SLK: variants seen among roughly 807,000 people sequenced by gnomAD.
SLK encodes the protein STE20-like serine/threonine-protein kinase.
SLK carries 67 observed loss-of-function variants against 147.7 expected under a neutral mutation model. That is an observed-to-expected ratio of 0.45 (90% CI 0.37 to 0.56). The LOEUF is 0.56. Ranked by LOEUF, SLK falls within the 20% of genes least tolerant of loss-of-function variation. SLK has a pLI of 0.00. For missense variants in SLK, 1,136 were observed against 1,438.8 expected (o/e 0.79, Z 3.41); for synonymous variants, 441 against 475.0 (o/e 0.93, Z 0.93).
At position 103,993,045 on chromosome 10, in the gene SLK, A is replaced by C. The variant is rs1844121850; in HGVS notation, c.426A>C (p.Ala142=). Residue 142 remains alanine (A), a synonymous_variant, in exon 4 of 19, where the codon GCA becomes GCC. Coordinates refer to ENST00000369755, the MANE Select transcript of SLK (RefSeq NM_014720.4). ...TAGTTTGCAAGCAGACTTTAGATGC[A>C]TTGAACTACTTACATGATAATAAGA... ...IQVVCKQTLD[A]LNYLHDNKII... is the part of the protein sequence containing the mutation. 1.9e-6 allele frequency: 3 copies of C among 1,610,132 alleles called. No individual in the cohort carries two copies. Among genetic ancestry groups the C allele is most frequent in the African/African-American group, 2.7e-5 (2 of 74,816 alleles).
intron 1 of SLK, among the ~76,000 whole-genome samples, chr10:103,989,956 A>G (rs1020848775): frequency 1.3e-5 from 2 of 152,242 alleles, no homozygotes; most frequent in African/African-American, 2.4e-5. Flanking sequence ...AAGTAAGTCA[A>G]TGGATAAACT....
chr10:104,021,498 A>G, intron 17 of SLK, 122 bp from the exon 18 acceptor site: 1 of 582,536 alleles, frequency 1.7e-6, no homozygotes, highest in East Asian at 3.1e-5. Flanking sequence ...TATAGAGGAA[A>G]ACTTGAATCT....
intron 1 of SLK, among the ~76,000 whole-genome samples, chr10:103,975,052 C>G (rs368185727): frequency 6.6e-6 from 1 of 151,740 alleles, no homozygotes; most frequent in African/African-American, 2.4e-5. Flanking sequence ...CTGGTTCTTC[C>G]TCTTTCTGAC....
chr10:104,011,382 C>A (rs1844398115), intron 13 of SLK, among the ~76,000 whole-genome samples: 2 of 152,108 alleles, frequency 1.3e-5, no homozygotes, highest in African/African-American at 4.8e-5. Context: ...ACATGTATTG[C>A]TTTTAAGCTT....
chr10:104,002,607 A>G lies in SLK; in HGVS notation c.1429A>G (p.Lys477Glu), dbSNP rs781128406. ...LKSEEEKDQE[K>E]QQMFENKLIK... ...ATCTGAGGAAGAAAAGGATCAGGAA[A>G]AGCAACAGATGTTTGAAAATAAGCT... is the stretch of plus-strand genomic sequence containing the variant. Residue 477 changes from lysine to glutamate, a missense_variant, in exon 9 of 19, where the codon AAG (lysine) becomes GAG (glutamate). By Grantham distance (56) the Lys-to-Glu change is moderately conservative. This residue lies in a region of SLK where 516 missense variants were observed against 531.3 expected (regional missense o/e 0.97). Coordinates refer to ENST00000369755, the MANE Select transcript of SLK (RefSeq NM_014720.4). The G allele has an allele frequency of 6.2e-6, 10 of 1,606,794 alleles. No individual in the cohort carries two copies. Among genetic ancestry groups the G allele is most frequent in the Non-Finnish European group, 8.5e-6 (10 of 1,176,038 alleles).
chr10:103,980,824 G>GT (rs1843931250), intron 1 of SLK, among the ~76,000 whole-genome samples: 1 of 152,066 alleles, frequency 6.6e-6, no homozygotes, highest in South Asian at 2.1e-4. Context: ...CCTGCTTTCA[G>GT]TTTTTTAGGG....
chr10:104,010,772 A>G, intron 12 of SLK, 44 bp from the exon 13 acceptor site: 1 of 1,237,002 alleles, frequency 8.1e-7, no homozygotes, highest in Non-Finnish European at 1.1e-6. Context: ...CTTGCTGTGG[A>G]GAAAGTATCA....
chr10:103,978,724 T>G (rs893195129), intron 1 of SLK, among the ~76,000 whole-genome samples: 2 of 152,180 alleles, frequency 1.3e-5, no homozygotes, highest in African/African-American at 4.8e-5. Context: ...AATGTACATA[T>G]GGAGTATAAA....
In SLK at chr10:104,025,827, A is replaced by G; in HGVS notation, c.*107A>G. 1.0e-6 allele frequency: 1 copy of G among 954,666 alleles called. No individual in the cohort carries two copies. Among genetic ancestry groups the G allele is most frequent in the East Asian group, 2.6e-5 (1 of 39,018 alleles). The allele number at this position is 954,666 out of a possible 1,614,324, so 59.1% of individuals were successfully genotyped here. A position where few individuals can be genotyped will look rare whatever the true frequency, so the allele number is the denominator to read the frequency against. ...GCTCATGAAGACAATCACCTGCCTC[A>G]CCTTCTAGGTGTTTTCCTTTTTTGT... On this transcript the variant is annotated 3_prime_UTR_variant, in exon 19 of 19. Coordinates refer to ENST00000369755, the MANE Select transcript of SLK (RefSeq NM_014720.4).
rs539442944 is a variant in SLK at position 103,993,624 on chromosome 10, G to A, written c.514+491G>A. ...TTAGTTCTGAAGAGAATACCTAAACGTAAGGACTAGAATTTTTAATTTTAC... is the reference window on the plus strand; with the variant it reads ...TTAGTTCTGAAGAGAATACCTAAACATAAGGACTAGAATTTTTAATTTTAC... On this transcript the variant is annotated intron_variant, in intron 4 of 18. Coordinates refer to ENST00000369755, the MANE Select transcript of SLK (RefSeq NM_014720.4). 4.0e-4 allele frequency among the ~76,000 whole-genome samples: 61 copies of A among 152,188 alleles called. No individual in the cohort carries two copies. The South Asian group carries it at 7.5e-3, about 19-fold the overall frequency.
intron 18 of SLK, 90 bp downstream of exon 18, chr10:104,021,823 G>A: frequency 1.4e-6 from 1 of 700,730 alleles, no homozygotes; most frequent in South Asian, 1.7e-5. Context: ...CAGGTACAGT[G>A]TCAGGGGCAG....
intron 1 of SLK, among the ~76,000 whole-genome samples, chr10:103,981,567 A>G (rs759448415): frequency 6.6e-6 from 1 of 151,960 alleles, no homozygotes; most frequent in Admixed American, 6.5e-5. Flanking sequence ...TCACATGTGG[A>G]TATTCAGATT....
rs766437984 is a variant in SLK, at chr10:104,002,624, AAAT to A, written c.1449_1451del (p.Asn483del). 1 of 1,608,036 alleles carries A rather than the reference AAAT, an allele frequency of 6.2e-7. No homozygotes were observed. The highest frequency in any genetic ancestry group is 8.5e-7 in the Non-Finnish European group (1 of 1,176,928). ...ATCAGGAAAAGCAACAGATGTTTGA[AAAT>A]AAGCTTATAAAATCTGAAGAAATTA... On this transcript the variant is annotated inframe_deletion, in exon 9 of 19. Transcript: ENST00000369755.
At chr10:103,976,674 T>C (rs1164464219) in intron 1 of SLK, among the ~76,000 whole-genome samples, 1 of 152,200 alleles carries the variant, frequency 6.6e-6, no homozygotes, top group Non-Finnish European at 1.5e-5. Flanking sequence ...CTGTATAGTT[T>C]TGCAGCCATT....
intron 1 of SLK, among the ~76,000 whole-genome samples, chr10:103,979,134 G>C (rs1428277597): frequency 6.6e-6 from 1 of 152,168 alleles, no homozygotes. Flanking sequence ...TCATGCCTCA[G>C]CCTCTGGAGT....
intron 1 of SLK, among the ~76,000 whole-genome samples, chr10:103,973,933 C>G (rs1038661619): frequency 2.0e-5 from 3 of 152,130 alleles, no homozygotes; most frequent in Non-Finnish European, 4.4e-5. Flanking sequence ...AGACTTTCTT[C>G]CATTCATTAT....
At chr10:103,993,917 C>T (rs559014534) in intron 4 of SLK, among the ~76,000 whole-genome samples, 8 of 151,884 alleles carry the variant, frequency 5.3e-5, no homozygotes, top group South Asian at 4.2e-4. Context: ...TTTTTTTTAA[C>T]GGAGTCTTGC....
At chr10:103,973,762 C>G (rs1843824252) in intron 1 of SLK, among the ~76,000 whole-genome samples, 1 of 152,056 alleles carries the variant, frequency 6.6e-6, no homozygotes, top group Non-Finnish European at 1.5e-5. Context: ...TGTGTACAAC[C>G]TTTAGTAGCC....
chr10:104,009,371 T>A (rs929530546), intron 12 of SLK, among the ~76,000 whole-genome samples: 2 of 152,136 alleles, frequency 1.3e-5, no homozygotes, highest in Non-Finnish European at 2.9e-5. Context: ...GAAAATTGAA[T>A]GTCATACTGC....
Sources: allele counts gnomAD v4.1 joint callset (sites outside exome capture counted in the v4.1 genomes callset), GRCh38; gene constraint gnomAD v4.1.1; regional missense constraint gnomAD v4.1.1; transcripts MANE v1.5; gene names NCBI Gene and HGNC (gene_info 2026-07-23, HGNC 2026-07-21).